Variants in LTF observed in about 807,000 individuals in gnomAD.
LTF encodes the protein lactotransferrin.
A neutral mutation model predicts 87.2 loss-of-function variants in LTF; 91 were observed. That is an observed-to-expected ratio of 1.04 (90% confidence interval 0.88 to 1.24). The LOEUF (loss-of-function observed/expected upper bound fraction) is 1.24, where lower values mean the gene tolerates loss of function less well. LTF is among the 50% of genes most tolerant of loss of function. The pLI, the probability that LTF is intolerant of heterozygous loss-of-function variation, is 0.00. For synonymous variants in LTF, 378 were observed against 356.1 expected (o/e 1.06, Z -0.69); for missense variants, 901 against 904.3 (o/e 1.00, Z 0.05).
At chr3:46,482,654 A>T (rs1158603471) in intron 1 of LTF, among the ~76,000 whole-genome samples, 1 of 105,480 alleles carries the variant, frequency 9.5e-6, no homozygotes, top group Non-Finnish European at 2.0e-5. Context: ...GAAAGAAAGA[A>T]AGAAAGAAGG....
At chr3:46,447,047 T>C (rs1406588674) in intron 10 of LTF, among the ~76,000 whole-genome samples, 1 of 152,178 alleles carries the variant, frequency 6.6e-6, no homozygotes, top group Non-Finnish European at 1.5e-5. Flanking sequence ...TACATTTATG[T>C]GCACTTTTCT....
chr3:46,455,465 C>T, intron 4 of LTF, 23 bp from the exon 5 acceptor site: 1 of 1,614,054 alleles, frequency 6.2e-7, no homozygotes. Context: ...GAGAAGTGGA[C>T]CACAGAGTGT....
intron 1 of LTF, among the ~76,000 whole-genome samples, chr3:46,483,631 A>C (rs1313008829): frequency 1.3e-5 from 2 of 152,126 alleles, no homozygotes; most frequent in Non-Finnish European, 2.9e-5. Flanking sequence ...GGGGCAAGAA[A>C]GTGATTAATA....
chr3:46,480,915 T>C (rs977124313), intron 1 of LTF, among the ~76,000 whole-genome samples: 1 of 152,118 alleles, frequency 6.6e-6, no homozygotes, highest in South Asian at 2.1e-4. Context: ...AGGTGGGCCA[T>C]GGGGGCTGAC....
chr3:46,437,320 A>ATTTT (rs10667876), intron 16 of LTF, among the ~76,000 whole-genome samples: 89 of 131,468 alleles, frequency 6.8e-4, no homozygotes, highest in African/African-American at 2.3e-3. Flanking sequence ...CTAGAATCAG[A>ATTTT]TTTTTTTTTT....
chr3:46,449,764 A>G, intron 8 of LTF, 90 bp downstream of exon 8: 1 of 1,376,718 alleles, frequency 7.3e-7, no homozygotes, highest in Non-Finnish European at 1.0e-6. Context: ...AGTGTCTGGG[A>G]AAAGGAGTGA....
chr3:46,463,120 C>A (rs1342265739), intron 1 of LTF, among the ~76,000 whole-genome samples: 2 of 152,158 alleles, frequency 1.3e-5, no homozygotes, highest in Non-Finnish European at 2.9e-5. Context: ...CCCCCTGAAG[C>A]AGGTCTAGGT....
intron 2 of LTF, 30 bp from the exon 3 acceptor site, chr3:46,456,428 G>A (rs370039219): frequency 1.2e-4 from 190 of 1,583,642 alleles, no homozygotes; most frequent in Non-Finnish European, 1.6e-4. Flanking sequence ...ACTGGCTTCA[G>A]CAGAAAACTC....
chr3:46,464,096 C>T (rs370331708), intron 1 of LTF, among the ~76,000 whole-genome samples: 3 of 152,310 alleles, frequency 2.0e-5, no homozygotes, highest in East Asian at 1.9e-4. Flanking sequence ...CTTCCCCTCC[C>T]GGTGCTGCAG....
rs746860759 is a variant in LTF, at chr3:46,443,600, G to A, written c.1514-18C>T. ...ATATTCATCTGGAGAGAAGGAACAC[G>A]GGGAGTCAGCTCTTCAAACCTGAGT... is the stretch of plus-strand genomic sequence containing the variant. On this transcript the variant is annotated intron_variant, in intron 12 of 16. Transcript: ENST00000231751. The A allele has an allele frequency of 3.1e-6, 5 of 1,613,474 alleles. No individual in the cohort carries two copies. Among genetic ancestry groups the A allele is most frequent in the East Asian group, 2.2e-5 (1 of 44,878 alleles).
intron 1 of LTF, among the ~76,000 whole-genome samples, chr3:46,475,939 CATATAAT>C (rs1703355153): frequency 6.6e-6 from 1 of 152,204 alleles, no homozygotes; most frequent in African/African-American, 2.4e-5. Context: ...TAAATGGAAT[CATATAAT>C]ATGTATTCTT....
chr3:46,450,106 C>G lies in LTF; in HGVS notation c.883-78G>C, dbSNP rs888703497. The G allele has an allele frequency of 1.7e-5, 20 of 1,211,762 alleles. No homozygotes were observed. In the African/African-American group the frequency reaches 2.7e-4, roughly 17 times the overall value. 75.1% of individuals were successfully genotyped at this position (1,211,762 alleles called of 1,614,324 possible). On this transcript the variant is annotated intron_variant, in intron 7 of 16. Transcript: ENST00000231751. ...AAAAAATGATGTTAAAAAAGAGTAT[C>G]TGGAGCTTTGGGATCATTCTAACTG... is the stretch of plus-strand genomic sequence containing the variant.
At chr3:46,466,978 G>A (rs6774531), upstream of LTF, among the ~76,000 whole-genome samples, 9 of 152,282 alleles carry the variant, frequency 5.9e-5, no homozygotes, top group South Asian at 6.2e-4. Flanking sequence ...AGAACACAGA[G>A]AACCTGGGGC....
intron 4 of LTF, 129 bp from the exon 5 acceptor site, chr3:46,455,571 GGGC>G: frequency 8.0e-7 from 1 of 1,256,446 alleles, no homozygotes; most frequent in Non-Finnish European, 1.1e-6. Context: ...CTCTGTCATG[GGGC>G]TGGGAGCTCG....
At chr3:46,446,585 C>A in intron 10 of LTF, 92 bp from the exon 11 acceptor site, 1 of 1,084,820 alleles carries the variant, frequency 9.2e-7, no homozygotes. Flanking sequence ...AGAATCAAAT[C>A]CAAAGAGACC....
chr3:46,463,766 G>A, intron 1 of LTF: 1 of 408,762 alleles, frequency 2.4e-6, no homozygotes, highest in Non-Finnish European at 3.3e-6. Context: ...ACTCGCCAGG[G>A]AGCTTGAGGG....
chr3:46,462,269 A>T (rs937688053), intron 1 of LTF, among the ~76,000 whole-genome samples: 2 of 152,202 alleles, frequency 1.3e-5, no homozygotes, highest in Admixed American at 6.5e-5. Flanking sequence ...ATCCAAAAAG[A>T]GGAAGCTAAG....
At chr3:46,466,840 T>G (rs1703221961), upstream of LTF, among the ~76,000 whole-genome samples, 1 of 152,240 alleles carries the variant, frequency 6.6e-6, no homozygotes, top group South Asian at 2.1e-4. Context: ...GACTTTGCCT[T>G]TTCATCATTA....
chr3:46,462,313 AACAAATACCAGCTAATGGAG>A (rs139074023), intron 1 of LTF, among the ~76,000 whole-genome samples: 4,468 of 152,262 alleles, frequency 0.029, 93 homozygotes, highest in Non-Finnish European at 0.045. Context: ...ACAAATACCA[AACAAATACCAGCTAATGGAG>A]ACATACGTGT....
Sources: allele counts gnomAD v4.1 joint callset (sites outside exome capture counted in the v4.1 genomes callset), GRCh38; gene constraint gnomAD v4.1.1; transcripts MANE v1.5; gene names NCBI Gene and HGNC (gene_info 2026-07-23, HGNC 2026-07-21).